Variants in EPB41L4A observed in about 807,000 individuals in gnomAD.
EPB41L4A encodes band 4.1-like protein 4A.
A neutral mutation model predicts 108.6 loss-of-function variants in EPB41L4A; 100 were observed. The ratio of observed to expected loss-of-function variants is 0.92; its 90% CI spans 0.78 to 1.09. The LOEUF (loss-of-function observed/expected upper bound fraction) is 1.09, where lower values mean the gene tolerates loss of function less well. EPB41L4A is among the 50% of genes least tolerant of loss of function. The pLI, the probability that EPB41L4A is intolerant of heterozygous loss-of-function variation, is 0.00. For missense variants in EPB41L4A, 1,030 were observed against 842.7 expected (o/e 1.22, Z -2.75); for synonymous variants, 319 against 289.0 (o/e 1.10, Z -1.05).
intron 1 of EPB41L4A, among the ~76,000 whole-genome samples, chr5:112,314,792 CA>C (rs58975273): frequency 0.24 from 34,766 of 146,320 alleles, 5,502 homozygotes; most frequent in African/African-American, 0.45. Context: ...GACTCCATCT[CA>C]AAAAAAAAAG....
rs1455421289 is a variant in EPB41L4A at position 112,307,427 on chromosome 5, C to G, written c.163G>C (p.Asp55His). The change falls in exon 2 of 23, where the codon GAT becomes CAT. Residue 55 changes from aspartate (D) to histidine (H), a missense_variant. Coordinates refer to ENST00000261486, the MANE Select transcript of EPB41L4A (RefSeq NM_022140.5). ...VFHHVNLVEI[D>H]YFGLRYCDRS... ...TCACAGTAACGTAGCCCAAAATAAT[C>G]TATCTCCACAAGGTTTACGTGATGG... The G allele has an allele frequency of 5.0e-6, 8 of 1,613,358 alleles. No homozygotes were observed. In the East Asian group the frequency reaches 1.1e-4, roughly 22 times the overall value.
rs192993785 is a variant in EPB41L4A at position 112,388,139 on chromosome 5, C to T, written c.99+30802G>A. ...ATTCAAAACCCAACAAGGCGGCAAACTAACAATTTACCCTTACAGTATCTG... is the reference window on the plus strand; with the variant it reads ...ATTCAAAACCCAACAAGGCGGCAAATTAACAATTTACCCTTACAGTATCTG... On this transcript the variant is annotated intron_variant, in intron 1 of 22. Coordinates refer to ENST00000261486, the MANE Select transcript of EPB41L4A (RefSeq NM_022140.5). Among the ~76,000 whole-genome samples the T allele has an allele frequency of 1.3e-3, 200 of 152,266 alleles. 2 individuals carry two copies. The highest frequency in any genetic ancestry group is 0.01 in the South Asian group (49 of 4,824).
chr5:112,238,684 C>A lies in EPB41L4A; in HGVS notation c.965+976G>T, dbSNP rs1749541071. Among the ~76,000 whole-genome samples the A allele has an allele frequency of 2.6e-5, 4 of 152,146 alleles. No individual in the cohort carries two copies. In the South Asian group the frequency reaches 6.2e-4, roughly 24 times the overall value. On this transcript the variant is annotated intron_variant, in intron 11 of 22. Coordinates refer to ENST00000261486, the MANE Select transcript of EPB41L4A (RefSeq NM_022140.5). ...ATCTCTGTGACACTAGGTGGCATCT[C>A]CCCACCCTGCTTGGGTTTTACAAGG...
chr5:112,304,660 C>A (rs1016345011), intron 2 of EPB41L4A, among the ~76,000 whole-genome samples: 1 of 151,770 alleles, frequency 6.6e-6, no homozygotes, highest in Admixed American at 6.6e-5. Flanking sequence ...AGACTTTTTC[C>A]TTCTTCCTTC....
chr5:112,389,294 T>C (rs1440500106), intron 1 of EPB41L4A, among the ~76,000 whole-genome samples: 1 of 152,244 alleles, frequency 6.6e-6, no homozygotes, highest in African/African-American at 2.4e-5. Context: ...GCATTTAATA[T>C]TGTTAAATAA....
downstream of EPB41L4A, chr5:112,162,451 G>A (rs1343128759): frequency 6.6e-6 from 1 of 152,220 alleles, no homozygotes; most frequent in African/African-American, 2.4e-5. Context: ...TTGGCCCAAA[G>A]AGAAATGTAC....
intron 1 of EPB41L4A, among the ~76,000 whole-genome samples, chr5:112,373,859 A>G (rs1759642347): frequency 6.6e-6 from 1 of 152,264 alleles, no homozygotes; most frequent in African/African-American, 2.4e-5. Flanking sequence ...GTTCAAGTAT[A>G]TATTTTTATG....
chr5:112,306,148 TTTCTC>T (rs1356346726), intron 2 of EPB41L4A, among the ~76,000 whole-genome samples: 3 of 152,116 alleles, frequency 2.0e-5, no homozygotes, highest in Admixed American at 2.0e-4. Context: ...AAACTGTAGT[TTTCTC>T]TGCTAGGAAA....
intron 1 of EPB41L4A, among the ~76,000 whole-genome samples, chr5:112,316,997 C>A (rs973668472): frequency 3.9e-5 from 6 of 152,206 alleles, no homozygotes; most frequent in African/African-American, 1.4e-4. Flanking sequence ...AGGCCCAGAT[C>A]TGGCACAGCA....
At chr5:112,364,379 C>T (rs931244383) in intron 1 of EPB41L4A, among the ~76,000 whole-genome samples, 12 of 152,206 alleles carry the variant, frequency 7.9e-5, no homozygotes, top group Admixed American at 7.9e-4. Context: ...TTGATATTCA[C>T]ATTAGAGTTA....
chr5:112,144,192 G>C (rs181312415), intron 13 of EPB41L4A, among the ~76,000 whole-genome samples: 1 of 152,188 alleles, frequency 6.6e-6, no homozygotes, highest in Admixed American at 6.5e-5. Context: ...TTAAGGAAAA[G>C]CATTTTATTA....
chr5:112,195,438 A>G lies in EPB41L4A; in HGVS notation c.1424+223T>C, dbSNP rs775893478. On this transcript the variant is annotated intron_variant, in intron 16 of 22. Coordinates refer to ENST00000261486, the MANE Select transcript of EPB41L4A (RefSeq NM_022140.5). ...TTCTGCAGTGGTTTATAATATGGCA[A>G]CAGATAAATAAGACAGCTCCTCTGA... Among the ~76,000 whole-genome samples, 134 of 151,618 alleles carry G rather than the reference A, an allele frequency of 8.8e-4. 2 individuals carry two copies. The highest frequency in any genetic ancestry group is 1.8e-4 in the Non-Finnish European group (12 of 68,024).
chr5:112,233,728 T>C (rs948331748), intron 12 of EPB41L4A, among the ~76,000 whole-genome samples: 3 of 152,176 alleles, frequency 2.0e-5, no homozygotes, highest in Non-Finnish European at 2.9e-5. Context: ...TTTTTGTTGT[T>C]TGTTTGTTTT....
At position 112,311,902 on chromosome 5, in the gene EPB41L4A, G is replaced by C. The variant is rs192579190; in HGVS notation, c.100-4412C>G. 5.1e-4 allele frequency among the ~76,000 whole-genome samples: 77 copies of C among 152,278 alleles called. 1 individual carries two copies. The East Asian group carries it at 7.7e-3, about 15-fold the overall frequency. ...CAGAGAGAAACAGATGGAATAACTA[G>C]AGCAGGTAGAGCCACACAACTCTAC... is the stretch of plus-strand genomic sequence containing the variant. On this transcript the variant is annotated intron_variant, in intron 1 of 22. Transcript: ENST00000261486.
chr5:112,322,672 T>G (rs970370798), intron 1 of EPB41L4A, among the ~76,000 whole-genome samples: 17 of 151,550 alleles, frequency 1.1e-4, no homozygotes, highest in African/African-American at 3.6e-4. Context: ...GGGTCCCAGT[T>G]TGACGGCTTA....
chr5:112,268,505 T>C (rs1250964584), intron 4 of EPB41L4A, among the ~76,000 whole-genome samples: 1 of 152,202 alleles, frequency 6.6e-6, no homozygotes, highest in Non-Finnish European at 1.5e-5. Context: ...CAAATTTCTT[T>C]TCCTGAAGTG....
chr5:112,310,023 C>T lies in EPB41L4A; in HGVS notation c.100-2533G>A, dbSNP rs567547123. On this transcript the variant is annotated intron_variant, in intron 1 of 22. Coordinates refer to ENST00000261486, the MANE Select transcript of EPB41L4A (RefSeq NM_022140.5). The stretch of plus-strand genomic sequence containing the variant: ...CCATCATCCTCAGATAAGTGCTCAG[C>T]TGACTAACACCTTGATTTCATCCTT... Among the ~76,000 whole-genome samples, 4 of 152,304 alleles carry T rather than the reference C, an allele frequency of 2.6e-5. No homozygotes were observed. The East Asian group carries it at 7.7e-4, about 29-fold the overall frequency.
chr5:112,253,639 A>G (rs1167276699), intron 9 of EPB41L4A, among the ~76,000 whole-genome samples: 2 of 152,158 alleles, frequency 1.3e-5, no homozygotes, highest in East Asian at 1.9e-4. Context: ...ACACACTTAC[A>G]TATTTATAGT....
chr5:112,178,048 A>C (rs1309338690), intron 18 of EPB41L4A, among the ~76,000 whole-genome samples: 1 of 152,068 alleles, frequency 6.6e-6, no homozygotes, highest in Admixed American at 6.5e-5. Flanking sequence ...GAATTAAAAA[A>C]AAAAAACAAA....
Sources: allele counts gnomAD v4.1 joint callset (sites outside exome capture counted in the v4.1 genomes callset), GRCh38; gene constraint gnomAD v4.1.1; transcripts MANE v1.5; gene names NCBI Gene and HGNC (gene_info 2026-07-23, HGNC 2026-07-21).